RECK: variants seen among roughly 807,000 people sequenced by gnomAD.
The protein encoded by RECK is reversion inducing cysteine rich protein with kazal motifs, also known as reversion-inducing cysteine-rich protein with Kazal motifs.
In RECK, 69 loss-of-function variants were observed where a neutral mutation model predicts 115.1. The ratio of observed to expected loss-of-function variants is 0.60; its 90% CI spans 0.49 to 0.73. The LOEUF (loss-of-function observed/expected upper bound fraction) is 0.73. Among genes scored for constraint, RECK ranks in the 30% least tolerant of loss-of-function variants. The pLI is 0.00. For missense variants in RECK, 1,047 were observed against 1,203.7 expected, an observed-to-expected ratio of 0.87 and a Z score of 1.93; for synonymous variants, 414 against 419.7, an observed-to-expected ratio of 0.99 and a Z score of 0.17.
intron 12 of RECK, among the ~76,000 whole-genome samples, chr9:36,104,300 A>T (rs1283336181): frequency 1.9e-5 from 1 of 52,634 alleles, no homozygotes; most frequent in African/African-American, 9.9e-5. Flanking sequence ...GTGTATATAT[A>T]TATATATATA....
At chr9:36,040,234 A>T (rs1251242169) in intron 1 of RECK, among the ~76,000 whole-genome samples, 1 of 152,222 alleles carries the variant, frequency 6.6e-6, no homozygotes, top group Non-Finnish European at 1.5e-5. Context: ...TAAGGATGCC[A>T]TGAAGGAACT....
rs557605036 is a variant in RECK at position 36,071,199 on chromosome 9, T to C, written c.405+5575T>C. Among the ~76,000 whole-genome samples, 4 of 151,558 alleles carry C rather than the reference T, an allele frequency of 2.6e-5. No homozygotes were observed. In the East Asian group the frequency reaches 7.8e-4, roughly 29 times the overall value. Reference sequence around the variant, plus strand: ...TACAGTGTAGATTCTTTTTGCATAGTCTTCGTTCACAGGTTGGCTGTGAAC... The same window carrying C: ...TACAGTGTAGATTCTTTTTGCATAGCCTTCGTTCACAGGTTGGCTGTGAAC... On this transcript the variant is annotated intron_variant, in intron 6 of 20. Coordinates refer to ENST00000377966, the MANE Select transcript of RECK (RefSeq NM_021111.3).
intron 15 of RECK, among the ~76,000 whole-genome samples, chr9:36,112,062 G>A (rs1023476219): frequency 7.8e-5 from 11 of 140,266 alleles, no homozygotes; most frequent in Non-Finnish European, 1.5e-4. Flanking sequence ...GGCAGAGCTT[G>A]CAGTGAGCCA....
chr9:36,044,781 C>G (rs1034503891), intron 1 of RECK, among the ~76,000 whole-genome samples: 2 of 152,112 alleles, frequency 1.3e-5, no homozygotes, highest in Non-Finnish European at 2.9e-5. Context: ...AAGTGGGCAT[C>G]AAGCATTTCA....
At chr9:36,097,351 A>C (rs562477266) in intron 10 of RECK, among the ~76,000 whole-genome samples, 2 of 151,936 alleles carry the variant, frequency 1.3e-5, no homozygotes, top group African/African-American at 2.4e-5. Flanking sequence ...AAAAGAAAAA[A>C]ATTGTGCAAG....
chr9:36,117,268 G>GCT, intron 17 of RECK, 91 bp downstream of exon 17: 4 of 1,038,606 alleles, frequency 3.9e-6, no homozygotes, highest in Non-Finnish European at 4.1e-6. Flanking sequence ...GACCAGCCGA[G>GCT]GGTCTTCTGT....
At position 36,122,762 on chromosome 9, in the gene RECK, C is replaced by G. The variant is rs1824507375; in HGVS notation, c.2695-62C>G. ...CTTTTAGGATATACGTGGAATTTGT[C>G]TGGCTTGATGTTGAAAACGTTCTGT... On this transcript the variant is annotated intron_variant, in intron 20 of 20. Transcript: ENST00000377966. 19 of 1,365,330 alleles carry G rather than the reference C, an allele frequency of 1.4e-5. No homozygotes were observed. In the South Asian group the frequency reaches 2.2e-4, roughly 16 times the overall value. 84.6% of individuals were successfully genotyped at this position (1,365,330 alleles called of 1,614,324 possible). A position where few individuals can be genotyped will look rare whatever the true frequency, so the allele number is the denominator to read the frequency against.
intron 6 of RECK, among the ~76,000 whole-genome samples, 155 bp downstream of exon 6, chr9:36,065,779 G>A (rs532494152): frequency 3.9e-5 from 6 of 152,034 alleles, no homozygotes; most frequent in South Asian, 2.1e-4. Flanking sequence ...TACTGTGTTC[G>A]GAAATGTTAT....
chr9:36,060,065 C>A, intron 3 of RECK, 54 bp from the exon 4 acceptor site: 1 of 1,511,586 alleles, frequency 6.6e-7, no homozygotes, highest in South Asian at 1.1e-5. Context: ...AATTAATTGT[C>A]ATATTTAGGA....
chr9:36,049,678 G>A (rs747261710), intron 1 of RECK, among the ~76,000 whole-genome samples: 16 of 152,228 alleles, frequency 1.1e-4, no homozygotes, highest in South Asian at 8.3e-4. Flanking sequence ...GGGAAATTCC[G>A]GTGATTTAGA....
rs760262409 is a variant in RECK, at chr9:36,122,963, T to C, written c.2834T>C (p.Val945Ala). The C allele has an allele frequency of 1.3e-5, 21 of 1,614,076 alleles. No homozygotes were observed. The highest frequency in any genetic ancestry group is 1.6e-4 in the Middle Eastern group (1 of 6,084). The change falls in exon 21 of 21, where the codon GTC becomes GCC. Residue 945 changes from valine to alanine, a missense_variant. By Grantham distance (64) the Val-to-Ala change is moderately conservative. Coordinates refer to ENST00000377966, the MANE Select transcript of RECK (RefSeq NM_021111.3). Reference protein sequence around the residue: ...QVSSSVPSAGVRARPSCHSLL... With the variant: ...QVSSSVPSAGARARPSCHSLL... Reference sequence around the variant, plus strand: ...TCCAGCAGTGTGCCATCGGCCGGTGTCAGGGCCAGGCCTTCTTGCCACTCC... The same window carrying C: ...TCCAGCAGTGTGCCATCGGCCGGTGCCAGGGCCAGGCCTTCTTGCCACTCC...
intron 1 of RECK, among the ~76,000 whole-genome samples, chr9:36,044,985 T>G (rs1374866360): frequency 6.6e-6 from 1 of 152,220 alleles, no homozygotes; most frequent in East Asian, 1.9e-4. Context: ...ATATTGGTAC[T>G]ACAATTGACT....
chr9:36,119,724 G>A (rs1824386831), intron 18 of RECK, among the ~76,000 whole-genome samples: 1 of 152,166 alleles, frequency 6.6e-6, no homozygotes, highest in African/African-American at 2.4e-5. Flanking sequence ...TTCTGAGGGA[G>A]GTGACAGACC....
intron 7 of RECK, among the ~76,000 whole-genome samples, chr9:36,080,937 A>C (rs1822657658): frequency 1.3e-5 from 2 of 152,218 alleles, no homozygotes; most frequent in African/African-American, 2.4e-5. Flanking sequence ...ACGTTGATTG[A>C]GTACTTGGTC....
At chr9:36,098,216 T>C (rs1823431282) in intron 10 of RECK, among the ~76,000 whole-genome samples, 1 of 152,214 alleles carries the variant, frequency 6.6e-6, no homozygotes, top group African/African-American at 2.4e-5. Flanking sequence ...AGATGTTAAA[T>C]GTTCTTACCA....
intron 10 of RECK, among the ~76,000 whole-genome samples, chr9:36,097,256 A>G (rs886262590): frequency 6.7e-6 from 1 of 149,956 alleles, no homozygotes; most frequent in East Asian, 2.0e-4. Context: ...TGAACCTAGG[A>G]GGTGAAAGTT....
intron 8 of RECK, among the ~76,000 whole-genome samples, chr9:36,086,406 CT>C (rs1822961778): frequency 6.6e-6 from 1 of 152,176 alleles, no homozygotes; most frequent in Non-Finnish European, 1.5e-5. Flanking sequence ...TTGTTTGTTC[CT>C]CCCAGTGGGT....
chr9:36,091,070 C>G (rs1324095157), intron 9 of RECK, 94 bp from the exon 10 acceptor site: 2 of 1,125,618 alleles, frequency 1.8e-6, no homozygotes, highest in Non-Finnish European at 2.5e-6. Context: ...ACATACGTTC[C>G]AAAGTATATA....
rs924716380 is a variant in RECK at position 36,124,263 on chromosome 9, G to A, written c.*1218G>A. ...ATGAAGTATTTTTTCAGTATTATAT[G>A]TACCCTCTGAAATACATAGGGATAT... On this transcript the variant is annotated 3_prime_UTR_variant, in exon 21 of 21. Coordinates refer to ENST00000377966, the MANE Select transcript of RECK (RefSeq NM_021111.3). The A allele has an allele frequency of 1.3e-5, 2 of 152,518 alleles. No homozygotes were observed. The highest frequency in any genetic ancestry group is 2.4e-5 in the African/African-American group (1 of 41,408). 9.4% of individuals were successfully genotyped at this position (152,518 alleles called of 1,614,324 possible).
Sources: allele counts gnomAD v4.1 joint callset (sites outside exome capture counted in the v4.1 genomes callset), GRCh38; gene constraint gnomAD v4.1.1; transcripts MANE v1.5; gene names NCBI Gene and HGNC (gene_info 2026-07-23, HGNC 2026-07-21).